The following RALGAPA2 variants were observed in gnomAD, a reference collection of about 807,000 sequenced individuals.
The protein encoded by RALGAPA2 is ral GTPase-activating protein subunit alpha-2.
RALGAPA2 carries 139 observed loss-of-function variants against 230.4 expected under a neutral mutation model. That is an observed-to-expected ratio of 0.60 (90% CI 0.53 to 0.69). The LOEUF is 0.69. RALGAPA2 is among the 30% of genes least tolerant of loss of function. RALGAPA2 has a pLI of 0.00. For missense variants in RALGAPA2, 2,163 were observed against 2,276.0 expected (o/e 0.95, Z 1.01); for synonymous variants, 847 against 837.8 (o/e 1.01, Z -0.19).
intron 1 of RALGAPA2, among the ~76,000 whole-genome samples, chr20:20,703,944 G>A (rs764851395): frequency 3.9e-5 from 6 of 151,988 alleles, no homozygotes; most frequent in South Asian, 2.1e-4. Flanking sequence ...TAACATAAAC[G>A]TTAAATGCAT....
chr20:20,673,778 G>A (rs562980155), intron 3 of RALGAPA2, among the ~76,000 whole-genome samples: 2 of 152,224 alleles, frequency 1.3e-5, no homozygotes, highest in Admixed American at 1.3e-4. Flanking sequence ...AAGAAGAAAT[G>A]CTTGACAACA....
At chr20:20,628,673 C>G (rs1200239299) in intron 10 of RALGAPA2, among the ~76,000 whole-genome samples, 2 of 152,200 alleles carry the variant, frequency 1.3e-5, no homozygotes, top group African/African-American at 4.8e-5. Context: ...AGCACCCCCT[C>G]CCCAGTTGTG....
intron 3 of RALGAPA2, among the ~76,000 whole-genome samples, chr20:20,655,462 A>G (rs1279302064): frequency 2.6e-5 from 4 of 152,282 alleles, no homozygotes; most frequent in African/African-American, 9.6e-5. Flanking sequence ...GACTTAGAAG[A>G]TGAATTAAAT....
At chr20:20,538,077 T>C (rs1051873583) in intron 24 of RALGAPA2, among the ~76,000 whole-genome samples, 1 of 152,158 alleles carries the variant, frequency 6.6e-6, no homozygotes, top group Non-Finnish European at 1.5e-5. Context: ...AGGCGCAGTA[T>C]GTGAGGTAGG....
intron 23 of RALGAPA2, among the ~76,000 whole-genome samples, chr20:20,564,127 C>A (rs114069931): frequency 7.2e-4 from 110 of 152,312 alleles, no homozygotes; most frequent in African/African-American, 2.5e-3. Context: ...TCCCCACTGT[C>A]CATGGGATGA....
chr20:20,510,161 C>T lies in RALGAPA2; in HGVS notation c.4928+1093G>A, dbSNP rs910230936. Reference sequence around the variant, plus strand: ...TCATTCAGCAGGCTCTAACTCATCGCTGTAAGTGCAAGCAGGAGAAGCTCA... The same window carrying T: ...TCATTCAGCAGGCTCTAACTCATCGTTGTAAGTGCAAGCAGGAGAAGCTCA... On this transcript the variant is annotated intron_variant, in intron 33 of 39. Coordinates refer to ENST00000202677, the MANE Select transcript of RALGAPA2 (RefSeq NM_020343.4). 2.6e-5 allele frequency among the ~76,000 whole-genome samples: 4 copies of T among 152,118 alleles called. No homozygotes were observed. In the South Asian group the frequency reaches 8.3e-4, roughly 32 times the overall value.
intron 35 of RALGAPA2, among the ~76,000 whole-genome samples, chr20:20,502,829 C>T (rs1233554474): frequency 6.6e-6 from 1 of 152,184 alleles, no homozygotes; most frequent in African/African-American, 2.4e-5. Flanking sequence ...AGGCGCTCCT[C>T]ACTTTTAACA....
At chr20:20,402,954 G>T (rs1232762684) in intron 38 of RALGAPA2, among the ~76,000 whole-genome samples, 7 of 152,178 alleles carry the variant, frequency 4.6e-5, no homozygotes, top group Admixed American at 4.6e-4. Context: ...TGGGCTCCTT[G>T]TTCCTTGATT....
chr20:20,593,543 T>C (rs1602984724), intron 16 of RALGAPA2, among the ~76,000 whole-genome samples: 1 of 152,368 alleles, frequency 6.6e-6, no homozygotes, highest in South Asian at 2.1e-4. Context: ...ATGCAAGATG[T>C]TGAAACCTTC....
chr20:20,642,795 G>C (rs1238387668), intron 5 of RALGAPA2, among the ~76,000 whole-genome samples: 1 of 151,982 alleles, frequency 6.6e-6, no homozygotes, highest in Non-Finnish European at 1.5e-5. Context: ...AGTTTTCAGA[G>C]GCTGTGATTG....
chr20:20,613,350 C>A (rs1009739233), intron 13 of RALGAPA2, among the ~76,000 whole-genome samples: 4 of 152,216 alleles, frequency 2.6e-5, no homozygotes, highest in African/African-American at 7.2e-5. Context: ...TGATCTCTAT[C>A]TCCTCATACA....
intron 5 of RALGAPA2, among the ~76,000 whole-genome samples, chr20:20,643,251 C>A (rs1179211710): frequency 6.6e-6 from 1 of 152,198 alleles, no homozygotes; most frequent in Admixed American, 6.5e-5. Context: ...CCATACCCAG[C>A]AGAATCAGAA....
At chr20:20,486,906 T>C (rs1338422638) in intron 36 of RALGAPA2, among the ~76,000 whole-genome samples, 1 of 152,234 alleles carries the variant, frequency 6.6e-6, no homozygotes, top group Non-Finnish European at 1.5e-5. Flanking sequence ...TTTTGGTTTC[T>C]AGCATTTCAT....
At chr20:20,418,528 T>C (rs1303995658) in intron 37 of RALGAPA2, among the ~76,000 whole-genome samples, 2 of 152,132 alleles carry the variant, frequency 1.3e-5, no homozygotes, top group Non-Finnish European at 2.9e-5. Flanking sequence ...TTCAGAATGA[T>C]TATAACATGT....
At position 20,512,765 on chromosome 20, in the gene RALGAPA2, A is replaced by G; in HGVS notation, c.4604T>C (p.Leu1535Pro). Residue 1535 changes from leucine to proline, a missense_variant, in exon 32 of 40, where the codon CTT becomes CCT. Transcript: ENST00000202677. ...ENIGHTSPEC[L>P]LPSQLNLNEP... The stretch of plus-strand genomic sequence containing the variant: ...ATTTAGATTTAGCTGTGACGGTAAA[A>G]GGCATTCAGGACTTGTATGGCCAAT... The G allele has an allele frequency of 6.2e-7, 1 of 1,613,832 alleles. No homozygotes were observed. Among genetic ancestry groups the G allele is most frequent in the South Asian group, 1.1e-5 (1 of 91,072 alleles).
intron 23 of RALGAPA2, among the ~76,000 whole-genome samples, chr20:20,568,004 G>A (rs2064499873): frequency 6.6e-6 from 1 of 152,084 alleles, no homozygotes; most frequent in Admixed American, 6.6e-5. Flanking sequence ...GTCCAGCACT[G>A]TGAGTGCTGA....
intron 1 of RALGAPA2, among the ~76,000 whole-genome samples, chr20:20,705,662 G>GTTGTTGTTGTTTTGTT (rs2069570053): frequency 6.6e-6 from 1 of 151,854 alleles, no homozygotes; most frequent in African/African-American, 2.4e-5. Context: ...TGTTGTTGTT[G>GTTGTTGTTGTTTTGTT]TTGTTTTGTT....
chr20:20,571,752 T>G, intron 22 of RALGAPA2, 96 bp downstream of exon 22: 9 of 1,462,696 alleles, frequency 6.2e-6, no homozygotes, highest in Non-Finnish European at 8.4e-6. Context: ...CCAGCCTGTC[T>G]TCAAAACATG....
intron 35 of RALGAPA2, among the ~76,000 whole-genome samples, chr20:20,503,013 C>A (rs536043148): frequency 6.6e-6 from 1 of 152,246 alleles, no homozygotes; most frequent in South Asian, 2.1e-4. Context: ...CAGCTGCACA[C>A]CTGCACTTAT....
Sources: allele counts gnomAD v4.1 joint callset (sites outside exome capture counted in the v4.1 genomes callset), GRCh38; gene constraint gnomAD v4.1.1; transcripts MANE v1.5; gene names NCBI Gene and HGNC (gene_info 2026-07-23, HGNC 2026-07-21).